Variants in SLC4A5 observed in about 807,000 individuals in gnomAD.
The protein encoded by SLC4A5 is solute carrier family 4 member 5.
Under a neutral mutation model 120.4 loss-of-function variants are expected in SLC4A5, and 96 were observed. The ratio of observed to expected loss-of-function variants is 0.80; its 90% confidence interval spans 0.68 to 0.94. The LOEUF is 0.94. Ranked by LOEUF, SLC4A5 falls within the 40% of genes least tolerant of loss-of-function variation. The pLI is 0.00. For synonymous variants in SLC4A5, 550 were observed against 571.1 expected (o/e 0.96, Z 0.53); for missense variants, 1,259 against 1,459.5 (o/e 0.86, Z 2.24).
intron 6 of SLC4A5, chr2:74,307,460 G>C: frequency 3.2e-6 from 2 of 627,408 alleles, no homozygotes; most frequent in South Asian, 1.4e-5. Context: ...TGACCTTGTG[G>C]AGCCCACGGA....
exon 28 of SLC4A5, chr2:74,224,844 T>G (rs1328119390): frequency 1.9e-6 from 3 of 1,609,800 alleles, no homozygotes; most frequent in Non-Finnish European, 2.5e-6. Context: ...CCCCACCTCC[T>G]CATCACAGTC....
chr2:74,239,325 G>A lies in SLC4A5; in HGVS notation c.2319+10C>T, dbSNP rs1396978159. ...CTGCAGGTCCCCTCCTAACTGCAGG[G>A]TGAGCTTACCTTGGTAGGAAAATAG... On this transcript the variant is annotated intron_variant, in intron 21 of 30. Transcript: ENST00000394019. 6.2e-7 allele frequency: 1 copy of A among 1,613,894 alleles called. No homozygotes were observed. The highest frequency in any genetic ancestry group is 1.7e-5 in the Admixed American group (1 of 60,028).
chr2:74,292,431 G>A (rs886621125), intron 7 of SLC4A5, among the ~76,000 whole-genome samples: 4 of 152,118 alleles, frequency 2.6e-5, no homozygotes, highest in Non-Finnish European at 4.4e-5. Context: ...TGGGCCACTG[G>A]GTCAGGGTTT....
intron 21 of SLC4A5, among the ~76,000 whole-genome samples, chr2:74,238,974 A>G (rs1670351800): frequency 6.6e-6 from 1 of 152,262 alleles, no homozygotes; most frequent in Non-Finnish European, 1.5e-5. Context: ...AAAGGCAGAC[A>G]ACCCAAAATG....
At position 74,298,242 on chromosome 2, in the gene SLC4A5, T is replaced by C. The variant is rs1672386297; in HGVS notation, c.271+6247A>G. ...AAGACAGGCACGTGGACCAAGGGAA[T>C]ATAATAGAAAGCACAGAAACATGCA... On this transcript the variant is annotated intron_variant, in intron 7 of 30. Coordinates refer to ENST00000394019, the Ensembl canonical transcript of SLC4A5. 4.6e-5 allele frequency among the ~76,000 whole-genome samples: 7 copies of C among 152,214 alleles called. No homozygotes were observed. In the South Asian group the frequency reaches 1.5e-3, roughly 32 times the overall value.
chr2:74,306,730 G>T, intron 6 of SLC4A5: 3 of 1,206,932 alleles, frequency 2.5e-6, no homozygotes, highest in South Asian at 1.2e-5. Context: ...CTGGCTTAAT[G>T]TCTCAGAACT....
exon 9 of SLC4A5, chr2:74,265,258 T>C (rs1671267011): frequency 6.2e-7 from 1 of 1,613,980 alleles, no homozygotes; most frequent in Non-Finnish European, 8.5e-7. Flanking sequence ...CTTCAAACTT[T>C]ATCCACCTGG....
chr2:74,266,110 G>A (rs1254437790), intron 8 of SLC4A5, among the ~76,000 whole-genome samples: 1 of 152,182 alleles, frequency 6.6e-6, no homozygotes, highest in Non-Finnish European at 1.5e-5. Context: ...GAATGGTGAG[G>A]AAAGTTCAAA....
In SLC4A5 at chr2:74,264,365, A is replaced by G. The variant is rs528683875; in HGVS notation, c.563-66T>C. On this transcript the variant is annotated intron_variant, in intron 9 of 30. Coordinates refer to ENST00000394019, the Ensembl canonical transcript of SLC4A5. Reference sequence around the variant, plus strand: ...ACAGCTCCAGGGTATGGAAGTCTTCAGTTTCACCTGTTATTAGTGGGATTA... The same window carrying G: ...ACAGCTCCAGGGTATGGAAGTCTTCGGTTTCACCTGTTATTAGTGGGATTA... The G allele has an allele frequency of 3.3e-6, 5 of 1,522,638 alleles. No individual in the cohort carries two copies. In the African/African-American group the frequency reaches 5.5e-5, roughly 17 times the overall value. The allele number at this position is 1,522,638 out of a possible 1,614,324, so 94.3% of individuals were successfully genotyped here.
chr2:74,297,445 A>G (rs1301681741), intron 7 of SLC4A5, among the ~76,000 whole-genome samples: 1 of 152,150 alleles, frequency 6.6e-6, no homozygotes, highest in Non-Finnish European at 1.5e-5. Context: ...ACAATTGGCC[A>G]CCCTGCAACA....
At chr2:74,246,463 C>T (rs1196311144) in intron 19 of SLC4A5, among the ~76,000 whole-genome samples, 1 of 152,222 alleles carries the variant, frequency 6.6e-6, no homozygotes, top group Non-Finnish European at 1.5e-5. Flanking sequence ...TGTGACATGA[C>T]AGTCCTTCTC....
At chr2:74,314,212 T>C (rs532687321) in intron 6 of SLC4A5, among the ~76,000 whole-genome samples, 175 of 152,306 alleles carry the variant, frequency 1.1e-3, no homozygotes, top group Non-Finnish European at 2.2e-3. Context: ...ATTTAGCTGG[T>C]GAACTGTGGG....
At chr2:74,291,076 C>T (rs1296253653) in intron 7 of SLC4A5, among the ~76,000 whole-genome samples, 3 of 152,148 alleles carry the variant, frequency 2.0e-5, no homozygotes, top group African/African-American at 7.2e-5. Flanking sequence ...ACTGACCAAG[C>T]AGTGCTCGAT....
At chr2:74,327,282 GA>G (rs1673238760) in intron 5 of SLC4A5, among the ~76,000 whole-genome samples, 1 of 152,156 alleles carries the variant, frequency 6.6e-6, no homozygotes, top group Non-Finnish European at 1.5e-5. Context: ...TGATATCTAA[GA>G]ACTCTAGACC....
At chr2:74,264,044 A>T in intron 10 of SLC4A5, 103 bp downstream of exon 10, 1 of 1,435,070 alleles carries the variant, frequency 7.0e-7, no homozygotes, top group Non-Finnish European at 9.3e-7. Context: ...GAACATCAGA[A>T]TTTCTCCAGA....
intron 24 of SLC4A5, 42 bp downstream of exon 24, chr2:74,232,427 C>T (rs750156785): frequency 3.8e-6 from 6 of 1,583,410 alleles, no homozygotes; most frequent in Admixed American, 2.0e-5. Flanking sequence ...CCCGAGTGGG[C>T]CCCTCCCCAT....
intron 4 of SLC4A5, among the ~76,000 whole-genome samples, chr2:74,330,313 T>C (rs1225929673): frequency 1.4e-5 from 2 of 147,028 alleles, no homozygotes; most frequent in African/African-American, 2.6e-5. Context: ...TGGTGAGGTA[T>C]AGGTGAGGGT....
intron 7 of SLC4A5, among the ~76,000 whole-genome samples, chr2:74,296,929 AAAAG>A (rs1340118539): frequency 1.3e-5 from 2 of 152,148 alleles, no homozygotes; most frequent in African/African-American, 4.8e-5. Context: ...TTCTTATCAG[AAAAG>A]AAAGACAACA....
intron 27 of SLC4A5, among the ~76,000 whole-genome samples, chr2:74,225,776 C>A (rs951394684): frequency 6.6e-6 from 1 of 152,078 alleles, no homozygotes; most frequent in Non-Finnish European, 1.5e-5. Context: ...AACTCATAGA[C>A]CCACACATTG....
Sources: allele counts gnomAD v4.1 joint callset (sites outside exome capture counted in the v4.1 genomes callset), GRCh38; gene constraint gnomAD v4.1.1; transcripts MANE v1.5; gene names NCBI Gene and HGNC (gene_info 2026-07-23, HGNC 2026-07-21).